The following ZC3H12B variants were observed in gnomAD, a reference collection of about 807,000 sequenced individuals.
ZC3H12B encodes the protein zinc finger CCCH-type containing 12B, also known as probable ribonuclease ZC3H12B.
ZC3H12B carries 7 observed loss-of-function variants against 43.9 expected under a neutral mutation model. The observed-to-expected ratio is 0.16, with a 90% CI of 0.09 to 0.30. The LOEUF (loss-of-function observed/expected upper bound fraction) is 0.30. Ranked by LOEUF, ZC3H12B falls within the 10% of genes least tolerant of loss-of-function variation. The pLI, the probability that ZC3H12B is intolerant of heterozygous loss-of-function variation, is 1.00. For missense variants in ZC3H12B, 475 were observed against 670.2 expected (o/e 0.71, Z 3.22); for synonymous variants, 222 against 241.7 (o/e 0.92, Z 0.76).
At chrX:65,367,389 C>T (rs1353145679) in intron 1 of ZC3H12B, among the ~76,000 whole-genome samples, 1 of 111,263 alleles carries the variant, frequency 9.0e-6, no homozygotes, top group Non-Finnish European at 1.9e-5. Context: ...CAGATCCCTA[C>T]AATATCAACT....
Position 65,408,770 on chromosome X carries a change from A to T in ZC3H12B, n.407+10066A>T, listed in dbSNP as rs771668088. 21 of 463,459 alleles carry T rather than the reference A, an allele frequency of 4.5e-5. No homozygotes were observed. The Admixed American group carries it at 5.9e-4, about 13-fold the overall frequency. The allele number at this position is 463,459 out of a possible 1,213,427, so 38.2% of individuals were successfully genotyped here. ...CAACCTATACAGAAAGCAAACAATG[A>T]GATAAGAGGAACTGTCTCAAAGCTT... On this transcript the variant is annotated intron_variant and non_coding_transcript_variant, in intron 3 of 5. Coordinates refer to the ZC3H12B transcript ENST00000617377.
At chrX:65,233,400 T>G in the ZC3H12B span, among the ~76,000 whole-genome samples, 1 of 111,466 alleles carries the variant, frequency 9.0e-6, no homozygotes, top group Non-Finnish European at 1.9e-5. Context: ...TTAAATATCT[T>G]TTGTGACTAC....
chrX:65,250,849 A>G, the ZC3H12B span, among the ~76,000 whole-genome samples: 1 of 111,756 alleles, frequency 8.9e-6, no homozygotes, highest in Non-Finnish European at 1.9e-5. Context: ...CCTTTGTCAG[A>G]TGAGCAGATT....
chrX:65,389,535 A>G (rs2066581860), intron 2 of ZC3H12B, among the ~76,000 whole-genome samples: 1 of 112,087 alleles, frequency 8.9e-6, no homozygotes, highest in Non-Finnish European at 1.9e-5. Flanking sequence ...ACCATCTGTC[A>G]CCCATTTCTT....
At chrX:65,165,315 A>G in the ZC3H12B span, among the ~76,000 whole-genome samples, 30 of 112,150 alleles carry the variant, frequency 2.7e-4, no homozygotes, top group Non-Finnish European at 3.0e-4. Context: ...CAGAACGTAC[A>G]GGTTTGATAC....
the ZC3H12B span, among the ~76,000 whole-genome samples, chrX:65,134,681 G>T: frequency 3.9e-4 from 43 of 111,602 alleles, no homozygotes; most frequent in African/African-American, 1.3e-3. Flanking sequence ...TCTCCTGAAG[G>T]AGTCCTCCTG....
chrX:65,391,583 G>T (rs1261520695), intron 2 of ZC3H12B, among the ~76,000 whole-genome samples: 2 of 111,823 alleles, frequency 1.8e-5, no homozygotes, highest in Non-Finnish European at 3.8e-5. Flanking sequence ...GCAATTGTTT[G>T]CTGGTCCCTT....
the ZC3H12B span, among the ~76,000 whole-genome samples, chrX:65,346,923 G>A: frequency 3.6e-5 from 4 of 112,197 alleles, no homozygotes; most frequent in African/African-American, 9.7e-5. Context: ...AGAGAGCAGC[G>A]GACCTCCCAG....
the ZC3H12B span, among the ~76,000 whole-genome samples, chrX:65,202,010 A>T: frequency 2.1e-5 from 2 of 96,917 alleles, no homozygotes; most frequent in Non-Finnish European, 4.0e-5. Flanking sequence ...CTCTGAGTCA[A>T]TTAAACCTCT....
the ZC3H12B span, among the ~76,000 whole-genome samples, chrX:65,080,807 A>G: frequency 2.7e-5 from 3 of 111,909 alleles, no homozygotes; most frequent in African/African-American, 9.7e-5. Context: ...TGGTAATAGT[A>G]AGTACACAGA....
the ZC3H12B span, among the ~76,000 whole-genome samples, chrX:65,059,326 T>A: frequency 9.1e-6 from 1 of 109,524 alleles, no homozygotes; most frequent in African/African-American, 3.3e-5. Flanking sequence ...TTTTCCCCAA[T>A]GTTTTATTGT....
the ZC3H12B span, among the ~76,000 whole-genome samples, chrX:65,163,065 G>T: frequency 9.0e-6 from 1 of 111,634 alleles, no homozygotes; most frequent in Non-Finnish European, 1.9e-5. Flanking sequence ...GTCAGCAGTG[G>T]TGGCTGCAGA....
chrX:65,457,914 G>A (rs2067654281), intron 3 of ZC3H12B, among the ~76,000 whole-genome samples: 1 of 64,343 alleles, frequency 1.6e-5, no homozygotes, highest in Admixed American at 1.9e-4. Flanking sequence ...AAGTACCCAG[G>A]GACACAAACA....
chrX:65,394,372 T>C (rs966421683), intron 2 of ZC3H12B, among the ~76,000 whole-genome samples: 1 of 112,617 alleles, frequency 8.9e-6, no homozygotes, highest in African/African-American at 3.2e-5. Context: ...TTGAGCTAAT[T>C]TTTGTATTAG....
At chrX:65,327,803 A>G in the ZC3H12B span, among the ~76,000 whole-genome samples, 3 of 112,106 alleles carry the variant, frequency 2.7e-5, no homozygotes, top group African/African-American at 9.7e-5. Context: ...TTGAAATTTT[A>G]AAAAGGTAAG....
the ZC3H12B span, among the ~76,000 whole-genome samples, chrX:65,318,701 T>G: frequency 9.0e-6 from 1 of 111,442 alleles, no homozygotes; most frequent in East Asian, 2.8e-4. Flanking sequence ...ATTACAGGCG[T>G]GAACCACCGC....
chrX:65,063,132 T>G, the ZC3H12B span, among the ~76,000 whole-genome samples: 2 of 111,686 alleles, frequency 1.8e-5, no homozygotes, highest in Non-Finnish European at 3.8e-5. Flanking sequence ...TTTTTTTCTT[T>G]GTATTTGAAT....
the ZC3H12B span, among the ~76,000 whole-genome samples, chrX:65,130,601 A>G: frequency 4.5e-5 from 5 of 111,684 alleles, no homozygotes; most frequent in Admixed American, 3.8e-4. Context: ...CCTTGAGGAT[A>G]TATTTCTACA....
intron 3 of ZC3H12B, among the ~76,000 whole-genome samples, chrX:65,450,397 A>ATG (rs2067460409): frequency 1.3e-5 from 1 of 78,067 alleles, no homozygotes. Context: ...GTGTATATAT[A>ATG]TGTATATATA....
Sources: gnomAD v4.1 joint callset for allele counts (sites outside exome capture counted in the v4.1 genomes callset) on GRCh38, gnomAD v4.1.1 for gene constraint, MANE v1.5 for transcripts, NCBI Gene and HGNC (gene_info 2026-07-23, HGNC 2026-07-21) for gene names.